The following PGM5 variants were observed in gnomAD, a reference collection of about 807,000 sequenced individuals.
PGM5 encodes phosphoglucomutase 5.
PGM5 carries 23 observed loss-of-function variants against 59.2 expected under a neutral mutation model. That is an observed-to-expected ratio of 0.39 (90% CI 0.28 to 0.55). The LOEUF (loss-of-function observed/expected upper bound fraction) is 0.55. PGM5 is among the 20% of genes least tolerant of loss of function. The pLI, the probability that PGM5 is intolerant of heterozygous loss-of-function variation, is 0.66. For missense variants in PGM5, 574 were observed against 748.3 expected, an observed-to-expected ratio of 0.77 and a Z score of 2.72; for synonymous variants, 214 against 286.0, an observed-to-expected ratio of 0.75 and a Z score of 2.54.
At chr9:68,411,484 G>GTATATATA (rs782186409) in intron 6 of PGM5, among the ~76,000 whole-genome samples, 5,097 of 105,672 alleles carry the variant, frequency 0.048, 122 homozygotes, top group Non-Finnish European at 0.074. Flanking sequence ...GTGTGTGTGT[G>GTATATATA]TGTGTATATA....
At chr9:68,398,457 T>C (rs1320607500) in intron 6 of PGM5, 1 of 152,214 alleles carries the variant, frequency 6.6e-6, no homozygotes, top group African/African-American at 2.4e-5. Flanking sequence ...GCATCAGCAA[T>C]AGCAGGAAGC....
rs543309805 is a variant in PGM5 at position 68,464,304 on chromosome 9, A to T, written c.1044-789A>T. On this transcript the variant is annotated intron_variant, in intron 6 of 10. Coordinates refer to ENST00000396396, the MANE Select transcript of PGM5 (RefSeq NM_021965.4). ...CTTTAAGATCAAAGTTGCATTCAAG[A>T]TCAAAACTTATAGGGGAGTGAGGAA... is the stretch of plus-strand genomic sequence containing the variant. Among the ~76,000 whole-genome samples, 35 of 152,274 alleles carry T rather than the reference A, an allele frequency of 2.3e-4. No individual in the cohort carries two copies. In the South Asian group the frequency reaches 2.9e-3, roughly 13 times the overall value.
At chr9:68,372,746 C>T (rs1255798360) in intron 1 of PGM5, among the ~76,000 whole-genome samples, 1 of 152,166 alleles carries the variant, frequency 6.6e-6, no homozygotes, top group Non-Finnish European at 1.5e-5. Context: ...ATCTCCTTGG[C>T]TTCTGGTGAG....
At chr9:68,401,478 G>A (rs1488019289) in intron 6 of PGM5, among the ~76,000 whole-genome samples, 6 of 152,122 alleles carry the variant, frequency 3.9e-5, no homozygotes, top group African/African-American at 1.2e-4. Flanking sequence ...CCCTCCCAAC[G>A]ATGTGGCCCT....
intron 1 of PGM5, among the ~76,000 whole-genome samples, chr9:68,370,112 G>T (rs547199144): frequency 1.3e-5 from 2 of 152,076 alleles, no homozygotes; most frequent in Non-Finnish European, 2.9e-5. Context: ...TTCGTAGATG[G>T]ACATGGTGGA....
chr9:68,521,430 A>G (rs1460421785), intron 10 of PGM5, among the ~76,000 whole-genome samples: 1 of 152,242 alleles, frequency 6.6e-6, no homozygotes, highest in Admixed American at 6.5e-5. Context: ...TGGAGAATGG[A>G]GAGAGTCCTT....
At chr9:68,500,673 T>C (rs1447124724) in intron 10 of PGM5, among the ~76,000 whole-genome samples, 1 of 152,166 alleles carries the variant, frequency 6.6e-6, no homozygotes, top group Non-Finnish European at 1.5e-5. Flanking sequence ...AATAAAACAC[T>C]ATTCTACATC....
intron 7 of PGM5, among the ~76,000 whole-genome samples, chr9:68,478,443 C>T (rs1824140031): frequency 6.6e-6 from 1 of 152,218 alleles, no homozygotes; most frequent in African/African-American, 2.4e-5. Flanking sequence ...TCAGTGGGGG[C>T]AGACCCTAAC....
chr9:68,448,434 C>T (rs1258801234), intron 6 of PGM5, among the ~76,000 whole-genome samples: 1 of 152,142 alleles, frequency 6.6e-6, no homozygotes, highest in Non-Finnish European at 1.5e-5. Flanking sequence ...AGGCTTCCAC[C>T]CAGCACCCAA....
intron 6 of PGM5, among the ~76,000 whole-genome samples, chr9:68,439,047 A>G (rs1288259446): frequency 6.6e-6 from 1 of 151,714 alleles, no homozygotes; most frequent in Non-Finnish European, 1.5e-5. Context: ...CTGTTTTCCT[A>G]CTCATTAACC....
At chr9:68,423,629 A>ATCTCTCTCTC (rs368417025) in intron 6 of PGM5, among the ~76,000 whole-genome samples, 1,643 of 128,852 alleles carry the variant, frequency 0.013, 15 homozygotes, top group African/African-American at 0.025. Flanking sequence ...AGAGCACAAA[A>ATCTCTCTCTC]TCTCTCTCTC....
At chr9:68,486,606 C>G (rs553226497) in intron 9 of PGM5, among the ~76,000 whole-genome samples, 1 of 152,318 alleles carries the variant, frequency 6.6e-6, no homozygotes, top group Admixed American at 6.5e-5. Flanking sequence ...TACCATATAT[C>G]AGTACTTATT....
chr9:68,466,266 G>A, intron 7 of PGM5: 3 of 840,936 alleles, frequency 3.6e-6, no homozygotes, highest in Admixed American at 5.6e-5. Context: ...CTCCGATACT[G>A]TGTGTTTTTT....
chr9:68,509,054 C>T (rs1474629368), intron 10 of PGM5, among the ~76,000 whole-genome samples: 3 of 152,176 alleles, frequency 2.0e-5, no homozygotes, highest in Non-Finnish European at 2.9e-5. Context: ...CTTCCCAACA[C>T]GGTCATGCTT....
At chr9:68,473,586 G>A (rs1824055973) in intron 7 of PGM5, among the ~76,000 whole-genome samples, 1 of 152,198 alleles carries the variant, frequency 6.6e-6, no homozygotes, top group Non-Finnish European at 1.5e-5. Context: ...AAATCCCCTA[G>A]CGCAGTGCCT....
intron 6 of PGM5, chr9:68,464,609 T>C (rs1823905329): frequency 6.6e-6 from 1 of 152,608 alleles, no homozygotes; most frequent in Non-Finnish European, 1.5e-5. Flanking sequence ...AGAATGCATA[T>C]TTTTATCCTA....
chr9:68,505,409 A>C (rs1248208345), intron 10 of PGM5, among the ~76,000 whole-genome samples: 1 of 152,194 alleles, frequency 6.6e-6, no homozygotes, highest in Non-Finnish European at 1.5e-5. Context: ...CCCACAAGTT[A>C]AGGGCTCAGT....
intron 6 of PGM5, among the ~76,000 whole-genome samples, chr9:68,442,757 C>T (rs1480491166): frequency 6.6e-6 from 1 of 152,198 alleles, no homozygotes; most frequent in Non-Finnish European, 1.5e-5. Flanking sequence ...TTAACAGATA[C>T]TTCACCAGAG....
At chr9:68,502,656 T>C (rs1369536771) in intron 10 of PGM5, among the ~76,000 whole-genome samples, 2 of 152,170 alleles carry the variant, frequency 1.3e-5, no homozygotes, top group African/African-American at 4.8e-5. Flanking sequence ...CCAGTCTTCC[T>C]GAAAATTGAG....
Sources: gnomAD v4.1 joint callset for allele counts (sites outside exome capture counted in the v4.1 genomes callset) on GRCh38, gnomAD v4.1.1 for gene constraint, MANE v1.5 for transcripts, NCBI Gene and HGNC (gene_info 2026-07-23, HGNC 2026-07-21) for gene names.